Variants in DOK6 observed in about 807,000 individuals in gnomAD.
The protein encoded by DOK6 is docking protein 6, also known as downstream of tyrosine kinase 6.
DOK6 carries 22 observed loss-of-function variants against 44.0 expected under a neutral mutation model. The observed-to-expected ratio is 0.50, with a 90% CI of 0.36 to 0.71. The LOEUF is 0.71. Ranked by LOEUF, DOK6 falls within the 30% of genes least tolerant of loss-of-function variation. The pLI, the probability that DOK6 is intolerant of heterozygous loss-of-function variation, is 0.00. For missense variants in DOK6, 340 were observed against 416.4 expected (o/e 0.82, Z 1.60); for synonymous variants, 166 against 145.5 (o/e 1.14, Z -1.01).
chr18:69,782,108 T>C (rs1980287033), intron 7 of DOK6, among the ~76,000 whole-genome samples: 1 of 151,640 alleles, frequency 6.6e-6, no homozygotes, highest in Non-Finnish European at 1.5e-5. Context: ...CTATAGAGAC[T>C]ACAGAAAGAG....
chr18:69,684,095 G>C (rs1336782600), intron 4 of DOK6, among the ~76,000 whole-genome samples: 1 of 152,148 alleles, frequency 6.6e-6, no homozygotes, highest in East Asian at 1.9e-4. Flanking sequence ...GTCTTGAATG[G>C]ACCGTAGCAA....
chr18:69,421,643 T>C (rs2122408045), intron 1 of DOK6, among the ~76,000 whole-genome samples: 1 of 152,336 alleles, frequency 6.6e-6, no homozygotes, highest in South Asian at 2.1e-4. Flanking sequence ...ATTTCACCTC[T>C]TTGGGGACGA....
chr18:69,797,478 T>C (rs1290904306), intron 7 of DOK6, among the ~76,000 whole-genome samples: 1 of 152,170 alleles, frequency 6.6e-6, no homozygotes, highest in African/African-American at 2.4e-5. Flanking sequence ...TCCTCTATTT[T>C]GCTAACACAG....
chr18:69,487,018 G>A (rs1175242494), intron 1 of DOK6, among the ~76,000 whole-genome samples: 2 of 152,036 alleles, frequency 1.3e-5, no homozygotes, highest in Non-Finnish European at 2.9e-5. Flanking sequence ...CTTTAGGGTT[G>A]TAAGTTTCCC....
At chr18:69,787,566 A>C (rs1980469221) in intron 7 of DOK6, among the ~76,000 whole-genome samples, 1 of 152,160 alleles carries the variant, frequency 6.6e-6, no homozygotes, top group Non-Finnish European at 1.5e-5. Flanking sequence ...TGTGAAATCA[A>C]TTGTTTTATA....
chr18:69,444,908 A>G (rs780906480), intron 1 of DOK6, among the ~76,000 whole-genome samples: 1 of 152,116 alleles, frequency 6.6e-6, no homozygotes, highest in Non-Finnish European at 1.5e-5. Context: ...GATTCTGTAG[A>G]TCACTTGTGG....
At chr18:69,624,765 T>C (rs1284652718) in intron 3 of DOK6, among the ~76,000 whole-genome samples, 5 of 152,138 alleles carry the variant, frequency 3.3e-5, no homozygotes, top group Admixed American at 3.3e-4. Flanking sequence ...TTTGCAATCA[T>C]TTTATCATAC....
At chr18:69,713,659 T>G (rs1339966774) in intron 5 of DOK6, among the ~76,000 whole-genome samples, 1 of 152,198 alleles carries the variant, frequency 6.6e-6, no homozygotes, top group African/African-American at 2.4e-5. Flanking sequence ...CCTCTAAAAT[T>G]GTATAAGTTT....
intron 1 of DOK6, among the ~76,000 whole-genome samples, chr18:69,527,986 AC>A (rs933631184): frequency 1.3e-5 from 2 of 151,968 alleles, no homozygotes; most frequent in African/African-American, 4.8e-5. Flanking sequence ...ACATGGTGAA[AC>A]CCTGTCTCTA....
intron 1 of DOK6, among the ~76,000 whole-genome samples, chr18:69,502,486 A>C (rs967371944): frequency 6.6e-6 from 1 of 152,140 alleles, no homozygotes; most frequent in Non-Finnish European, 1.5e-5. Context: ...GGTTACAGTC[A>C]AGAGTCCCAA....
In DOK6 at chr18:69,785,800, A is replaced by G. The variant is rs554337092; in HGVS notation, c.856+27927A>G. 2.0e-5 allele frequency among the ~76,000 whole-genome samples: 3 copies of G among 152,276 alleles called. 1 individual carries two copies. Among genetic ancestry groups the G allele is most frequent in the Non-Finnish European group, 4.4e-5 (3 of 68,000 alleles). On this transcript the variant is annotated intron_variant, in intron 7 of 7. Transcript: ENST00000382713. ...TGCTTCCTTTCTTATGATTTATGCT[A>G]TAAGTTACCATAATACTTTGTGGAA...
intron 1 of DOK6, among the ~76,000 whole-genome samples, chr18:69,543,522 T>A (rs889066926): frequency 6.6e-6 from 1 of 151,598 alleles, no homozygotes; most frequent in African/African-American, 2.4e-5. Flanking sequence ...AAGTTCTCAT[T>A]CTTGAAGAAA....
intron 1 of DOK6, chr18:69,469,477 G>A (rs953369261): frequency 6.7e-6 from 1 of 149,630 alleles, no homozygotes; most frequent in Non-Finnish European, 1.5e-5. Context: ...TTGAAAACTC[G>A]TATGATCTAT....
At chr18:69,733,583 TA>T (rs1229788356) in intron 5 of DOK6, among the ~76,000 whole-genome samples, 1 of 152,232 alleles carries the variant, frequency 6.6e-6, no homozygotes, top group East Asian at 1.9e-4. Context: ...AATATATTTT[TA>T]TTAACTATAG....
At chr18:69,529,224 G>A (rs1480995543) in intron 1 of DOK6, among the ~76,000 whole-genome samples, 2 of 152,104 alleles carry the variant, frequency 1.3e-5, no homozygotes, top group Non-Finnish European at 2.9e-5. Context: ...TTTTATTCCA[G>A]TCTTTATTTA....
chr18:69,589,597 A>T (rs1402026501), intron 2 of DOK6, among the ~76,000 whole-genome samples: 1 of 152,182 alleles, frequency 6.6e-6, no homozygotes, highest in African/African-American at 2.4e-5. Flanking sequence ...CATTAAAGCT[A>T]ATAATTATAG....
intron 7 of DOK6, among the ~76,000 whole-genome samples, chr18:69,812,071 A>G (rs1297868183): frequency 6.6e-6 from 1 of 152,174 alleles, no homozygotes; most frequent in African/African-American, 2.4e-5. Flanking sequence ...AATAAATTAT[A>G]TATACACAAG....
chr18:69,436,285 A>G (rs958843591), intron 1 of DOK6, among the ~76,000 whole-genome samples: 2 of 151,822 alleles, frequency 1.3e-5, no homozygotes, highest in Non-Finnish European at 2.9e-5. Context: ...CATCATCTAC[A>G]TTAGGTATTT....
At position 69,746,328 on chromosome 18, in the gene DOK6, A is replaced by C. The variant is rs573618283; in HGVS notation, c.738+7225A>C. ...GTTGCCCAGGATGGAGTGCAGTGACATGATCTTGGCTCTCTACCTCCTAGT... is the reference window on the plus strand; with the variant it reads ...GTTGCCCAGGATGGAGTGCAGTGACCTGATCTTGGCTCTCTACCTCCTAGT... On this transcript the variant is annotated intron_variant, in intron 6 of 7. Coordinates refer to ENST00000382713, the MANE Select transcript of DOK6 (RefSeq NM_152721.6). Among the ~76,000 whole-genome samples the C allele has an allele frequency of 2.6e-5, 4 of 152,260 alleles. No homozygotes were observed. In the South Asian group the frequency reaches 8.3e-4, roughly 32 times the overall value.
Sources: allele counts gnomAD v4.1 joint callset (sites outside exome capture counted in the v4.1 genomes callset), GRCh38; gene constraint gnomAD v4.1.1; transcripts MANE v1.5; gene names NCBI Gene and HGNC (gene_info 2026-07-23, HGNC 2026-07-21).